NECAB2: variants seen among roughly 807,000 people sequenced by gnomAD.
NECAB2 encodes the protein N-terminal EF-hand calcium-binding protein 2.
In NECAB2, 68 loss-of-function variants were observed where a neutral mutation model predicts 51.9. The observed-to-expected ratio is 1.31, with a 90% confidence interval of 1.08 to 1.60. NECAB2 has a LOEUF of 1.60. Among genes scored for constraint, NECAB2 ranks in the 40% most tolerant of loss-of-function variants. NECAB2 has a pLI of 0.00. For synonymous variants in NECAB2, 329 were observed against 203.5 expected, an observed-to-expected ratio of 1.62 and a Z score of -5.25; for missense variants, 854 against 490.3, an observed-to-expected ratio of 1.74 and a Z score of -7.00.
intron 1 of NECAB2, 100 bp downstream of exon 1, chr16:83,968,949 C>T (rs1320892673): frequency 7.8e-6 from 6 of 769,172 alleles, no homozygotes; most frequent in Non-Finnish European, 9.7e-6. Context: ...CCGCGAGGCC[C>T]TCCCTACCCG....
intron 2 of NECAB2, among the ~76,000 whole-genome samples, chr16:83,973,776 G>A (rs1169457394): frequency 1.3e-5 from 2 of 152,048 alleles, no homozygotes; most frequent in Non-Finnish European, 2.9e-5. Context: ...GGACGTGTTT[G>A]TTGGTGAGAG....
In NECAB2 at chr16:83,998,364, G is replaced by A. The variant is rs187805989; in HGVS notation, c.962+47G>A. On this transcript the variant is annotated intron_variant, in intron 10 of 12. Transcript: ENST00000305202. The stretch of plus-strand genomic sequence containing the variant: ...GGGTGGGATGGTGGCAGGGAGCTCT[G>A]CCTGGCAGTGGAGGAACAGGGCAGG... 7.0e-4 allele frequency: 1,094 copies of A among 1,570,728 alleles called. 4 individuals are homozygous for A. The highest frequency in any genetic ancestry group is 8.7e-4 in the Non-Finnish European group (1,001 of 1,147,054).
chr16:83,980,872 C>A lies in NECAB2; in HGVS notation c.361+8C>A. ...ACACCAAGGAGCTGTGTGGTAGGTGCCTGGCTATGCTGGGACCAAGATGGG... is the reference window on the plus strand; with the variant it reads ...ACACCAAGGAGCTGTGTGGTAGGTGACTGGCTATGCTGGGACCAAGATGGG... On this transcript the variant is annotated splice_region_variant and intron_variant, in intron 4 of 12. Coordinates refer to ENST00000305202, the MANE Select transcript of NECAB2 (RefSeq NM_019065.3). 6.2e-7 allele frequency: 1 copy of A among 1,610,622 alleles called. No individual in the cohort carries two copies.
intron 3 of NECAB2, among the ~76,000 whole-genome samples, chr16:83,980,036 G>A (rs948347936): frequency 6.6e-6 from 1 of 152,232 alleles, no homozygotes; most frequent in African/African-American, 2.4e-5. Flanking sequence ...GCCCCCGAGT[G>A]CAGATTCACT....
chr16:83,990,036 G>T (rs2084602413), intron 5 of NECAB2, among the ~76,000 whole-genome samples: 1 of 152,130 alleles, frequency 6.6e-6, no homozygotes, highest in South Asian at 2.1e-4. Flanking sequence ...GGAAGGTCGT[G>T]GATTCTTCTT....
At chr16:83,990,037 G>C (rs1236915037) in intron 5 of NECAB2, among the ~76,000 whole-genome samples, 9 of 152,140 alleles carry the variant, frequency 5.9e-5, no homozygotes, top group Admixed American at 5.9e-4. Flanking sequence ...GAAGGTCGTG[G>C]ATTCTTCTTG....
chr16:83,998,485 C>T (rs746863747), intron 10 of NECAB2, among the ~76,000 whole-genome samples, 168 bp downstream of exon 10: 4 of 152,156 alleles, frequency 2.6e-5, no homozygotes, highest in Non-Finnish European at 2.9e-5. Flanking sequence ...AGGTTCCTCC[C>T]AGCCAAGCAA....
chr16:83,995,651 A>AT (rs201708692), intron 8 of NECAB2, among the ~76,000 whole-genome samples: 11 of 151,740 alleles, frequency 7.2e-5, no homozygotes, highest in Non-Finnish European at 1.2e-4. Flanking sequence ...ACTTTTGTGT[A>AT]TTTTTTTTAC....
Position 83,992,383 on chromosome 16 carries a change from CG to C in NECAB2, c.596+1754del, listed in dbSNP as rs533617399. 7.4e-3 allele frequency among the ~76,000 whole-genome samples: 1,078 copies of C among 145,378 alleles called. 22 individuals are homozygous for C. Among genetic ancestry groups the C allele is most frequent in the African/African-American group, 0.024 (904 of 37,198 alleles). ...CGGGGAACACGAGCACCCGTCCCCCCGCCCACCTCCATTTGCTGTTTCAAAT... is the reference window on the plus strand; with the variant it reads ...CGGGGAACACGAGCACCCGTCCCCCCCCCACCTCCATTTGCTGTTTCAAAT... On this transcript the variant is annotated intron_variant, in intron 6 of 12. Transcript: ENST00000305202.
chr16:83,965,637 A>G (rs1015014267), upstream of NECAB2: 11 of 1,613,256 alleles, frequency 6.8e-6, no homozygotes, highest in Non-Finnish European at 9.3e-6. Flanking sequence ...CCCAGCCCCT[A>G]TGAGGGTTAC....
At chr16:83,984,073 G>A (rs2084521768) in intron 5 of NECAB2, among the ~76,000 whole-genome samples, 1 of 145,400 alleles carries the variant, frequency 6.9e-6, no homozygotes, top group Non-Finnish European at 1.5e-5. Flanking sequence ...CCAGCTCACT[G>A]CCAGCTCCGC....
chr16:83,983,816 T>C (rs2084518001), intron 5 of NECAB2, among the ~76,000 whole-genome samples: 2 of 152,192 alleles, frequency 1.3e-5, no homozygotes, highest in African/African-American at 4.8e-5. Flanking sequence ...GTGTTCTGTG[T>C]ATGAATCAGC....
intron 2 of NECAB2, among the ~76,000 whole-genome samples, chr16:83,973,704 C>A (rs573308262): frequency 6.6e-6 from 1 of 152,100 alleles, no homozygotes; most frequent in East Asian, 1.9e-4. Context: ...TGGGTTTGTC[C>A]CTTGTCCCGG....
At chr16:83,966,804 CA>C (rs2084285750), upstream of NECAB2, among the ~76,000 whole-genome samples, 2 of 152,226 alleles carry the variant, frequency 1.3e-5, no homozygotes, top group South Asian at 4.1e-4. Flanking sequence ...TCTTCTGACA[CA>C]AACCCCTCCA....
chr16:83,990,519 A>C lies in NECAB2; in HGVS notation c.485A>C (p.Asp162Ala), dbSNP rs1307834008. Residue 162 changes from aspartate to alanine, a missense_variant, in exon 6 of 13, where the codon GAC becomes GCC. Transcript: ENST00000305202. ...KKVYEGGSNV[D>A]QFVTRFLLKE... ...GTATATGAGGGTGGGAGCAACGTGG[A>C]CCAGTTTGTGACCCGCTTCCTCCTG... The C allele has an allele frequency of 2.5e-6, 4 of 1,613,852 alleles. No individual in the cohort carries two copies. Among genetic ancestry groups the C allele is most frequent in the Non-Finnish European group, 3.4e-6 (4 of 1,179,998 alleles).
chr16:83,999,058 C>G (rs1187977927), intron 10 of NECAB2, among the ~76,000 whole-genome samples: 2 of 152,306 alleles, frequency 1.3e-5, no homozygotes, highest in South Asian at 2.1e-4. Context: ...CTCATTCACC[C>G]CATTGCCTGG....
chr16:83,998,599 C>G (rs1033299457), intron 10 of NECAB2, among the ~76,000 whole-genome samples: 5 of 152,176 alleles, frequency 3.3e-5, no homozygotes, highest in African/African-American at 1.2e-4. Context: ...CATATACAAT[C>G]AAGTGTGTGA....
chr16:83,992,072 T>C lies in NECAB2; in HGVS notation c.596+1442T>C, dbSNP rs146130363. Among the ~76,000 whole-genome samples the C allele has an allele frequency of 3.3e-5, 5 of 152,216 alleles. 1 individual carries two copies. The highest frequency in any genetic ancestry group is 4.4e-5 in the Non-Finnish European group (3 of 68,034). Reference sequence around the variant, plus strand: ...AATAAGCACCTGTCATTGTTTACGATCCAGCTTGAATCCTGAGGCTTGCCA... The same window carrying C: ...AATAAGCACCTGTCATTGTTTACGACCCAGCTTGAATCCTGAGGCTTGCCA... On this transcript the variant is annotated intron_variant, in intron 6 of 12. Coordinates refer to ENST00000305202, the MANE Select transcript of NECAB2 (RefSeq NM_019065.3).
chr16:83,990,406 C>T (rs1387127546), intron 5 of NECAB2, 88 bp from the exon 6 acceptor site: 10 of 1,519,356 alleles, frequency 6.6e-6, no homozygotes, highest in East Asian at 2.3e-5. Context: ...TCACCAGCAC[C>T]AGCTTTCCCC....
Sources: allele counts gnomAD v4.1 joint callset (sites outside exome capture counted in the v4.1 genomes callset), GRCh38; gene constraint gnomAD v4.1.1; transcripts MANE v1.5; gene names NCBI Gene and HGNC (gene_info 2026-07-23, HGNC 2026-07-21).